Variants in STPG2 observed in about 807,000 individuals in gnomAD.
STPG2 encodes the protein sperm tail PG-rich repeat containing 2.
In STPG2, 56 loss-of-function variants were observed where a neutral mutation model predicts 54.2. That is an observed-to-expected ratio of 1.03 (90% CI 0.83 to 1.29). The LOEUF is 1.29. Ranked by LOEUF, STPG2 falls within the 50% of genes most tolerant of loss-of-function variation. The probability of loss-of-function intolerance (pLI) is 0.00; values close to 1 mark genes in which losing one functional copy is unlikely to be tolerated. For missense variants in STPG2, 596 were observed against 544.9 expected (o/e 1.09, Z -0.93); for synonymous variants, 200 against 181.8 (o/e 1.10, Z -0.81).
At chr4:97,750,093 G>T (rs1036768876) in intron 9 of STPG2, among the ~76,000 whole-genome samples, 1 of 151,814 alleles carries the variant, frequency 6.6e-6, no homozygotes. Flanking sequence ...TATCAGAAAA[G>T]AATTATATTT....
intron 9 of STPG2, among the ~76,000 whole-genome samples, chr4:97,837,723 T>G (rs905635801): frequency 6.6e-6 from 1 of 151,622 alleles, no homozygotes; most frequent in Non-Finnish European, 1.5e-5. Context: ...CCCTCTTAAG[T>G]ATATTCCAAA....
intron 5 of STPG2, among the ~76,000 whole-genome samples, chr4:98,069,934 G>GAT (rs1737949831): frequency 6.6e-6 from 1 of 151,608 alleles, no homozygotes; most frequent in African/African-American, 2.4e-5. Context: ...CAGCAGCTCT[G>GAT]ATATAAAACG....
chr4:97,712,731 T>C lies in STPG2; in HGVS notation c.1288A>G (p.Lys430Glu), dbSNP rs1321440129. 1.9e-6 allele frequency: 3 copies of C among 1,606,932 alleles called. No homozygotes were observed. Among genetic ancestry groups the C allele is most frequent in the Middle Eastern group, 1.7e-4 (1 of 6,036 alleles). Residue 430 changes from lysine to glutamate, a missense_variant, in exon 10 of 11, where the codon AAA becomes GAA. Physicochemically the swap from Lys to Glu is moderately conservative, Grantham distance 56 (BLOSUM62 1). Transcript: ENST00000295268. Reference sequence around the variant, plus strand: ...GTTGCTGGGCCTGGAGTAATCTCTTTGGACTCTTCAAAGCGCTTTGATGCT... The same window carrying C: ...GTTGCTGGGCCTGGAGTAATCTCTTCGGACTCTTCAAAGCGCTTTGATGCT... ...VKASKRFEES[K>E]EITPGPATYE...
At chr4:97,781,008 C>A (rs575197938) in intron 9 of STPG2, among the ~76,000 whole-genome samples, 48 of 151,854 alleles carry the variant, frequency 3.2e-4, no homozygotes, top group Non-Finnish European at 6.2e-4. Context: ...ACCCTAACAT[C>A]AAAATTAAAA....
intron 9 of STPG2, among the ~76,000 whole-genome samples, chr4:97,730,630 A>G (rs554644112): frequency 6.6e-6 from 1 of 152,198 alleles, no homozygotes; most frequent in African/African-American, 2.4e-5. Context: ...CAAATTGCTT[A>G]CCCTGTCTCC....
intron 9 of STPG2, among the ~76,000 whole-genome samples, chr4:97,806,695 A>C (rs1727579313): frequency 6.6e-6 from 1 of 152,072 alleles, no homozygotes. Context: ...TTTGAGGTAG[A>C]TTTTATCAAT....
At chr4:98,066,481 C>A (rs553498767) in intron 5 of STPG2, among the ~76,000 whole-genome samples, 1 of 152,142 alleles carries the variant, frequency 6.6e-6, no homozygotes, top group South Asian at 2.1e-4. Context: ...CCAAGCTACT[C>A]GGGAGGCTAA....
downstream of STPG2, among the ~76,000 whole-genome samples, chr4:97,558,399 T>C (rs143244263): frequency 4.1e-3 from 630 of 152,292 alleles, 3 homozygotes; most frequent in South Asian, 0.02. Context: ...GACCTGGTGA[T>C]TCGCCCTTAA....
intron 9 of STPG2, among the ~76,000 whole-genome samples, chr4:97,796,823 A>G (rs1169095064): frequency 1.3e-5 from 2 of 152,194 alleles, no homozygotes; most frequent in Admixed American, 1.3e-4. Flanking sequence ...CTTCCTATCC[A>G]TGAGCCTGGA....
chr4:97,610,438 A>G (rs1733702362), intron 10 of STPG2, among the ~76,000 whole-genome samples: 1 of 152,066 alleles, frequency 6.6e-6, no homozygotes, highest in Non-Finnish European at 1.5e-5. Context: ...TACAAAACCA[A>G]TAATTAACAG....
At chr4:97,488,788 G>T (rs1035060627) in intron 4 of STPG2, among the ~76,000 whole-genome samples, 3 of 151,666 alleles carry the variant, frequency 2.0e-5, no homozygotes, top group Non-Finnish European at 4.4e-5. Flanking sequence ...GCAATAACTA[G>T]AATTCAGTTG....
intron 9 of STPG2, among the ~76,000 whole-genome samples, chr4:97,773,669 T>C (rs1270285116): frequency 2.6e-5 from 4 of 152,170 alleles, no homozygotes; most frequent in Admixed American, 1.3e-4. Flanking sequence ...ATCCTAAAAT[T>C]ACTATACTGT....
At chr4:97,577,028 A>G (rs1179304614) in intron 10 of STPG2, among the ~76,000 whole-genome samples, 2 of 152,204 alleles carry the variant, frequency 1.3e-5, no homozygotes, top group African/African-American at 4.8e-5. Context: ...TGCAGATTGA[A>G]ACCACAATGA....
At chr4:97,738,240 C>G (rs1053650981) in intron 9 of STPG2, among the ~76,000 whole-genome samples, 1 of 152,126 alleles carries the variant, frequency 6.6e-6, no homozygotes, top group Admixed American at 6.5e-5. Context: ...ACAATGGGTA[C>G]CAGCCACTGC....
intron 10 of STPG2, among the ~76,000 whole-genome samples, chr4:97,601,028 A>C (rs1183313693): frequency 6.6e-6 from 1 of 152,088 alleles, no homozygotes; most frequent in Admixed American, 6.6e-5. Context: ...GATGTGAAAA[A>C]ATGTGATGAA....
chr4:97,736,066 G>A (rs1320795955), intron 9 of STPG2, among the ~76,000 whole-genome samples: 1 of 152,152 alleles, frequency 6.6e-6, no homozygotes, highest in Non-Finnish European at 1.5e-5. Flanking sequence ...TGTGCAGAAA[G>A]GAGAACCCTT....
intron 10 of STPG2, among the ~76,000 whole-genome samples, chr4:97,668,208 C>T (rs140023884): frequency 2.6e-4 from 40 of 152,146 alleles, no homozygotes; most frequent in Non-Finnish European, 4.6e-4. Context: ...TTCAAGGCAA[C>T]AGGCAAAGCC....
intron 10 of STPG2, among the ~76,000 whole-genome samples, chr4:97,600,133 A>G (rs1286123527): frequency 6.6e-6 from 1 of 152,178 alleles, no homozygotes; most frequent in Non-Finnish European, 1.5e-5. Flanking sequence ...ACTGTCTATC[A>G]GATAATATGC....
At chr4:97,737,909 C>G (rs7694981) in intron 9 of STPG2, among the ~76,000 whole-genome samples, 1 of 151,932 alleles carries the variant, frequency 6.6e-6, no homozygotes, top group Non-Finnish European at 1.5e-5. Context: ...CACAAAATTG[C>G]CAGATTCACC....
Sources: gnomAD v4.1 joint callset for allele counts (sites outside exome capture counted in the v4.1 genomes callset) on GRCh38, gnomAD v4.1.1 for gene constraint, MANE v1.5 for transcripts, NCBI Gene and HGNC (gene_info 2026-07-23, HGNC 2026-07-21) for gene names.